Variants in POLR1G observed in about 807,000 individuals in gnomAD.
POLR1G encodes RNA polymerase I subunit G.
Under a neutral mutation model 6.3 loss-of-function variants are expected in POLR1G, and 9 were observed. That is an observed-to-expected ratio of 1.44 (90% confidence interval 0.87 to 2.51). The LOEUF (loss-of-function observed/expected upper bound fraction) is 2.51. Among genes scored for constraint, POLR1G ranks in the 30% most tolerant of loss-of-function variants. The pLI is 0.00. For synonymous variants in POLR1G, 248 were observed against 256.5 expected (o/e 0.97, Z 0.32); for missense variants, 617 against 632.5 (o/e 0.98, Z 0.26).
rs1437963775 is a variant in POLR1G, at chr19:45,406,711, G to A, written c.15G>A (p.Gln5=). The change falls in exon 1 of 3, where the codon CAG becomes CAA. Residue 5 remains glutamine (Q), a synonymous_variant. Coordinates refer to ENST00000309424, the MANE Select transcript of POLR1G (RefSeq NM_012099.3). The surrounding 1 kb of genome is among the most constrained non-coding windows in gnomAD (Gnocchi z 4.2). MEEP[Q]AGDAARFSCP... is the part of the protein sequence containing the mutation. ...TGGGTCCCAGGATGGAGGAGCCCCA[G>A]GCCGGCGGTGAGGGTGCGGGTTGAC... 1.3e-6 allele frequency: 2 copies of A among 1,533,534 alleles called. No individual in the cohort carries two copies. Among genetic ancestry groups the A allele is most frequent in the Non-Finnish European group, 1.8e-6 (2 of 1,141,964 alleles). The allele number at this position is 1,533,534 out of a possible 1,614,324, so 95.0% of individuals were successfully genotyped here. A position where few individuals can be genotyped will look rare whatever the true frequency, so the allele number is the denominator to read the frequency against.
At position 45,407,253 on chromosome 19, in the gene POLR1G, C is replaced by T. The variant is rs750030260; in HGVS notation, c.164+18C>T. The T allele has an allele frequency of 1.4e-5, 23 of 1,606,880 alleles. No individual in the cohort carries two copies. The highest frequency in any genetic ancestry group is 3.5e-5 in the Admixed American group (2 of 57,902). Reference sequence around the variant, plus strand: ...CCAGAATGGTGAGTGGTCTTGTTGACGGAAAAGAGGGTCCCGGTCCAGACC... The same window carrying T: ...CCAGAATGGTGAGTGGTCTTGTTGATGGAAAAGAGGGTCCCGGTCCAGACC... On this transcript the variant is annotated intron_variant, in intron 2 of 2. Transcript: ENST00000309424.
chr19:45,408,309 C>T lies in POLR1G; in HGVS notation c.341C>T (p.Thr114Ile). 6.2e-7 allele frequency: 1 copy of T among 1,611,742 alleles called. No individual in the cohort carries two copies. The highest frequency in any genetic ancestry group is 1.3e-5 in the African/African-American group (1 of 74,990). ...ACCTGTGCCTCAGCCCCCCAGGGCA[C>T]CCTAAGGATCCTTGAGGGTCCCCAG... The part of the protein sequence containing the change: ...GLTCASAPQG[T>I]LRILEGPQQS... The change falls in exon 3 of 3, where the codon ACC (threonine) becomes ATC (isoleucine). Residue 114 changes from threonine to isoleucine, a missense_variant. Physicochemically the swap from Thr to Ile is moderately conservative, Grantham distance 89. Transcript: ENST00000309424.
In POLR1G at chr19:45,409,402, A is replaced by G. The variant is rs964169447; in HGVS notation, c.1434A>G (p.Gln478=). 1.9e-6 allele frequency: 3 copies of G among 1,613,948 alleles called. No individual in the cohort carries two copies. The highest frequency in any genetic ancestry group is 2.5e-6 in the Non-Finnish European group (3 of 1,180,002). ...GCCGGATGCCAGAGACAGTGCCCCA[A>G]GAGGAGATGCCAGGGCCGCCACTGA... ...QESRMPETVP[Q]EEMPGPPLNS... Residue 478 remains glutamine (Q), a synonymous_variant, in exon 3 of 3, where the codon CAA becomes CAG. Transcript: ENST00000309424.
rs1358678724 is a variant in POLR1G at position 45,406,658 on chromosome 19, A to G, written c.-39A>G. On this transcript the variant is annotated 5_prime_UTR_variant, in exon 1 of 3. Coordinates refer to ENST00000309424, the MANE Select transcript of POLR1G (RefSeq NM_012099.3). This position sits in a 1 kb window ranked among gnomAD's most constrained non-coding sequence, Gnocchi z 4.2. ...ACGTGGTCTGCAACCTGGTGCGAGCAGCCCGGGCTACAGGGTTGCCTGAGG... is the reference window on the plus strand; with the variant it reads ...ACGTGGTCTGCAACCTGGTGCGAGCGGCCCGGGCTACAGGGTTGCCTGAGG... 3 of 1,546,704 alleles carry G rather than the reference A, an allele frequency of 1.9e-6. No individual in the cohort carries two copies. In the Admixed American group the frequency reaches 6.0e-5, roughly 31 times the overall value.
At position 45,406,759 on chromosome 19, in the gene POLR1G, G is replaced by T; in HGVS notation, c.22+41G>T. ...GACGGGGTGCGGAGGGTGCGTTGGT[G>T]GAAGGAGAAAGGGGCGTCCGAGAGG... On this transcript the variant is annotated intron_variant, in intron 1 of 2. Transcript: ENST00000309424. This position sits in a 1 kb window ranked among gnomAD's most constrained non-coding sequence, Gnocchi z 4.2. The T allele has an allele frequency of 6.6e-7, 1 of 1,505,792 alleles. No homozygotes were observed. 93.3% of individuals were successfully genotyped at this position (1,505,792 alleles called of 1,614,324 possible). A position where few individuals can be genotyped will look rare whatever the true frequency, so the allele number is the denominator to read the frequency against.
intron 2 of POLR1G, chr19:45,407,826 C>T (rs984535155): frequency 5.1e-5 from 14 of 276,004 alleles, no homozygotes; most frequent in African/African-American, 1.5e-4. Context: ...GAGGCCGAGG[C>T]GAGCAGATCA....
rs1033717573 is a variant in POLR1G at position 45,410,404 on chromosome 19, C to G, written c.*903C>G. ...TTCACCATATTGGCCAGGCTGGTCT[C>G]GAACTCCTGACCTCGTGATCCACCT... is the stretch of plus-strand genomic sequence containing the variant. On this transcript the variant is annotated 3_prime_UTR_variant, in exon 3 of 3. Transcript: ENST00000309424. 15 of 152,166 alleles carry G rather than the reference C, an allele frequency of 9.9e-5. No individual in the cohort carries two copies. Among genetic ancestry groups the G allele is most frequent in the African/African-American group, 3.6e-4 (15 of 41,492 alleles). 9.4% of individuals were successfully genotyped at this position (152,166 alleles called of 1,614,324 possible). A position where few individuals can be genotyped will look rare whatever the true frequency, so the allele number is the denominator to read the frequency against.
In POLR1G at chr19:45,409,348, CAAG is replaced by C. The variant is rs772777599; in HGVS notation, c.1385_1387del (p.Lys462del). The C allele has an allele frequency of 1.8e-5, 29 of 1,614,084 alleles. No individual in the cohort carries two copies. In the African/African-American group the frequency reaches 3.6e-4, roughly 20 times the overall value. On this transcript the variant is annotated inframe_deletion, in exon 3 of 3. Transcript: ENST00000309424. ...AAGCCAGGGCAACTCCGGGATCCAC[CAAG>C]AAGAGGAAGAAGCAGAGTCAGGAAA...
rs1022928209 is a variant in POLR1G at position 45,406,825 on chromosome 19, C to G, written c.22+107C>G. On this transcript the variant is annotated intron_variant, in intron 1 of 2. Transcript: ENST00000309424. This position sits in a 1 kb window ranked among gnomAD's most constrained non-coding sequence, Gnocchi z 4.2. ...GAGGCGTACCTGCAAGCAGGACTTG[C>G]GAAGAGCGTGCATTCCCAGTGGGCG... 5 of 1,157,882 alleles carry G rather than the reference C, an allele frequency of 4.3e-6. No individual in the cohort carries two copies. The highest frequency in any genetic ancestry group is 3.2e-5 in the Admixed American group (1 of 31,472). The allele number at this position is 1,157,882 out of a possible 1,614,324, so 71.7% of individuals were successfully genotyped here.
In POLR1G at chr19:45,409,050, G is replaced by C. The variant is rs750131630; in HGVS notation, c.1082G>C (p.Gly361Ala). 6 of 1,613,726 alleles carry C rather than the reference G, an allele frequency of 3.7e-6. No homozygotes were observed. The African/African-American group carries it at 4.0e-5, about 11-fold the overall frequency. ...EPEMKPLESP[G>A]GTMAPQQPEG... ...GAGATGAAGCCTCTGGAGTCCCCAG[G>C]GGGGACCATGGCGCCTCAACAGCCA... Residue 361 changes from glycine (G) to alanine (A), a missense_variant, in exon 3 of 3, where the codon GGG (glycine) becomes GCG (alanine). Gly to Ala is a moderately conservative substitution (Grantham distance 60). Transcript: ENST00000309424.
Position 45,406,921 on chromosome 19 carries a change from G to C in POLR1G, c.23-173G>C. On this transcript the variant is annotated intron_variant, in intron 1 of 2. Transcript: ENST00000309424. The surrounding 1 kb of genome is among the most constrained non-coding windows in gnomAD (Gnocchi z 4.2). Reference sequence around the variant, plus strand: ...CGTGGAGAGCAAGGCGCCCCCAGGGGTTGGATCGGTGAAATTGAGGTCGCC... The same window carrying C: ...CGTGGAGAGCAAGGCGCCCCCAGGGCTTGGATCGGTGAAATTGAGGTCGCC... 1 of 1,024,016 alleles carries C rather than the reference G, an allele frequency of 9.8e-7. No individual in the cohort carries two copies. The highest frequency in any genetic ancestry group is 2.7e-5 in the East Asian group (1 of 36,368). The allele number at this position is 1,024,016 out of a possible 1,614,324, so 63.4% of individuals were successfully genotyped here. A position where few individuals can be genotyped will look rare whatever the true frequency, so the allele number is the denominator to read the frequency against.
rs748372404 is a variant in POLR1G at position 45,409,005 on chromosome 19, C to T, written c.1037C>T (p.Ala346Val). ...GCAATGATGGAGCCAGGGACGGAGG[C>T]GATGGAGCCAGTGGAGCCGGAGATG... ...QMAMMEPGTE[A>V]MEPVEPEMKP... The change falls in exon 3 of 3, where the codon GCG becomes GTG. Residue 346 changes from alanine (A) to valine (V), a missense_variant. Coordinates refer to ENST00000309424, the MANE Select transcript of POLR1G (RefSeq NM_012099.3). The T allele has an allele frequency of 1.7e-5, 27 of 1,613,780 alleles. No homozygotes were observed. Among genetic ancestry groups the T allele is most frequent in the East Asian group, 2.2e-5 (1 of 44,872 alleles).
rs1973547906 is a variant in POLR1G, at chr19:45,409,413, C to T, written c.1445C>T (p.Pro482Leu). The T allele has an allele frequency of 1.2e-6, 2 of 1,613,526 alleles. No homozygotes were observed. Among genetic ancestry groups the T allele is most frequent in the South Asian group, 2.2e-5 (2 of 91,068 alleles). Reference protein sequence around the residue: ...MPETVPQEEMPGPPLNSESGE... With the variant: ...MPETVPQEEMLGPPLNSESGE... ...GAGACAGTGCCCCAAGAGGAGATGC[C>T]AGGGCCGCCACTGAATTCAGAGTCT... The change falls in exon 3 of 3, where the codon CCA becomes CTA. Residue 482 changes from proline to leucine, a missense_variant. Pro to Leu is a moderately conservative substitution (Grantham distance 98). Transcript: ENST00000309424.
Position 45,406,909 on chromosome 19 carries a change from G to A in POLR1G, c.23-185G>A, listed in dbSNP as rs1973385109. 1 of 972,872 alleles carries A rather than the reference G, an allele frequency of 1.0e-6. No individual in the cohort carries two copies. Among genetic ancestry groups the A allele is most frequent in the South Asian group, 1.8e-5 (1 of 56,560 alleles). The allele number at this position is 972,872 out of a possible 1,614,324, so 60.3% of individuals were successfully genotyped here. A position where few individuals can be genotyped will look rare whatever the true frequency, so the allele number is the denominator to read the frequency against. On this transcript the variant is annotated intron_variant, in intron 1 of 2. Transcript: ENST00000309424. This position sits in a 1 kb window ranked among gnomAD's most constrained non-coding sequence, Gnocchi z 4.2. ...TGGGGGGCTACCCGTGGAGAGCAAG[G>A]CGCCCCCAGGGGTTGGATCGGTGAA...
chr19:45,408,849 AG>A lies in POLR1G; in HGVS notation c.885del (p.Thr296ArgfsTer10). On this transcript the variant is annotated frameshift_variant, in exon 3 of 3. Transcript: ENST00000309424. LOFTEE classifies it low-confidence loss of function (END_TRUNC). Reference protein sequence around the residue: ...LSPTKKRKRQKGTEGMEPEEG... With the variant: ...LSPTKKRKRQXGTEGMEPEEG... ...CCGACCAAAAAGAGAAAGAGGCAAA[AG>A]GGGACGGAAGGGATGGAGCCAGAGG... 6.2e-7 allele frequency: 1 copy of A among 1,614,146 alleles called. No homozygotes were observed.
In POLR1G at chr19:45,408,929, G is replaced by T; in HGVS notation, c.961G>T (p.Ala321Ser). Residue 321 changes from alanine to serine, a missense_variant, in exon 3 of 3, where the codon GCC (alanine) becomes TCC (serine). Physicochemically the swap from Ala to Ser is moderately conservative, Grantham distance 99 (BLOSUM62 1). Transcript: ENST00000309424. ...PQVKVEPLEE[A>S]IPLPPTKKRK... ...GGTGAAGGTGGAGCCACTGGAGGAA[G>T]CCATCCCTCTGCCCCCTACGAAGAA... 6.2e-7 allele frequency: 1 copy of T among 1,614,114 alleles called. No homozygotes were observed. Among genetic ancestry groups the T allele is most frequent in the Non-Finnish European group, 8.5e-7 (1 of 1,180,014 alleles).
In POLR1G at chr19:45,406,943, C is replaced by A; in HGVS notation, c.23-151C>A. 1.8e-6 allele frequency: 2 copies of A among 1,132,490 alleles called. No homozygotes were observed. The highest frequency in any genetic ancestry group is 1.6e-5 in the South Asian group (1 of 61,492). The allele number at this position is 1,132,490 out of a possible 1,614,324, so 70.2% of individuals were successfully genotyped here. A position where few individuals can be genotyped will look rare whatever the true frequency, so the allele number is the denominator to read the frequency against. On this transcript the variant is annotated intron_variant, in intron 1 of 2. Transcript: ENST00000309424. The surrounding 1 kb of genome is among the most constrained non-coding windows in gnomAD (Gnocchi z 4.2). ...GGGGTTGGATCGGTGAAATTGAGGT[C>A]GCCCCTGGGGAACAGGTGGGCAGAA... is the stretch of plus-strand genomic sequence containing the variant.
chr19:45,407,778 C>T (rs1331698964), intron 2 of POLR1G: 1 of 254,748 alleles, frequency 3.9e-6, no homozygotes, highest in Non-Finnish European at 7.5e-6. Flanking sequence ...AGAGGCCAGC[C>T]AGGCGCAGTG....
In POLR1G at chr19:45,409,094, GC is replaced by G; in HGVS notation, c.1129del (p.Gln377ArgfsTer58). Reference protein sequence around the residue: ...PQQPEGAKPQAQAALAAPKKK... With the variant: ...PQQPEGAKPQXQAALAAPKKK... ...ACAGCCAGAAGGAGCGAAGCCTCAG[GC>G]CCAGGCAGCTCTGGCAGCTCCCAAA... is the stretch of plus-strand genomic sequence containing the variant. On this transcript the variant is annotated frameshift_variant, in exon 3 of 3. Coordinates refer to ENST00000309424, the MANE Select transcript of POLR1G (RefSeq NM_012099.3). LOFTEE classifies it low-confidence loss of function (END_TRUNC). 6.2e-7 allele frequency: 1 copy of G among 1,613,550 alleles called. No homozygotes were observed. The highest frequency in any genetic ancestry group is 2.2e-5 in the East Asian group (1 of 44,860).
Sources: gnomAD v4.1 joint callset for allele counts on GRCh38, gnomAD v4.1.1 for gene constraint, Gnocchi (gnomAD v3.1) non-coding constraint, MANE v1.5 for transcripts, NCBI Gene and HGNC (gene_info 2026-07-23, HGNC 2026-07-21) for gene names.